The following ANKRD46 variants were observed in gnomAD, a reference collection of about 807,000 sequenced individuals.
ANKRD46 encodes ankyrin repeat domain-containing protein 46.
ANKRD46 carries 13 observed loss-of-function variants against 19.8 expected under a neutral mutation model. The observed-to-expected ratio is 0.66, with a 90% confidence interval of 0.43 to 1.04. The LOEUF (loss-of-function observed/expected upper bound fraction) is 1.04, where lower values mean the gene tolerates loss of function less well. Among genes scored for constraint, ANKRD46 ranks in the 50% least tolerant of loss-of-function variants. The pLI is 0.00. For synonymous variants in ANKRD46, 91 were observed against 106.9 expected (o/e 0.85, Z 0.92); for missense variants, 185 against 274.8 (o/e 0.67, Z 2.31).
At position 100,510,978 on chromosome 8, in the gene ANKRD46, A is replaced by G. The variant is rs1275536079; in HGVS notation, c.637-339T>C. On this transcript the variant is annotated intron_variant, in intron 5 of 5. Coordinates refer to the ANKRD46 transcript ENST00000520552. This position sits in a 1 kb window ranked among gnomAD's most constrained non-coding sequence, Gnocchi z 4.9. ...GCCTGCAGGCCTGACCAATTACACA[A>G]GAATAGAGGTTGACCTGTCTTTCAG... Among the ~76,000 whole-genome samples the G allele has an allele frequency of 6.6e-6, 1 of 152,236 alleles. No homozygotes were observed. Among genetic ancestry groups the G allele is most frequent in the Non-Finnish European group, 1.5e-5 (1 of 68,032 alleles).
At chr8:100,547,444 G>C (rs367807410) in intron 1 of ANKRD46, among the ~76,000 whole-genome samples, 3 of 152,172 alleles carry the variant, frequency 2.0e-5, no homozygotes, top group South Asian at 2.1e-4. Flanking sequence ...TAAGTTTCCC[G>C]AGGCCTCCCC....
downstream of ANKRD46, among the ~76,000 whole-genome samples, chr8:100,516,365 C>T (rs1811630217): frequency 6.6e-6 from 1 of 152,136 alleles, no homozygotes. Context: ...ACCAAGACTG[C>T]ATTTTGAATA....
In ANKRD46 at chr8:100,550,232, C is replaced by T. The variant is rs1338932242; in HGVS notation, c.-131+9479G>A. On this transcript the variant is annotated intron_variant, in intron 1 of 4. Coordinates refer to ENST00000335659, the MANE Select transcript of ANKRD46 (RefSeq NM_001270377.2). The surrounding 1 kb of genome is among the most constrained non-coding windows in gnomAD (Gnocchi z 4.4). ...GAGTATGTTTAGTTTTTTTAAGAAA[C>T]CACCAAATTGTCTCCCAAAGTAGCT... 1.3e-5 allele frequency among the ~76,000 whole-genome samples: 2 copies of T among 152,130 alleles called. No homozygotes were observed. Among genetic ancestry groups the T allele is most frequent in the Admixed American group, 1.3e-4 (2 of 15,286 alleles).
At chr8:100,535,928 G>A (rs560194573) in intron 1 of ANKRD46, among the ~76,000 whole-genome samples, 7 of 152,144 alleles carry the variant, frequency 4.6e-5, no homozygotes, top group South Asian at 2.1e-4. Context: ...CTAGTGAGTC[G>A]TATGAAGACC....
At chr8:100,552,636 G>A (rs1302709842) in intron 1 of ANKRD46, among the ~76,000 whole-genome samples, 2 of 152,138 alleles carry the variant, frequency 1.3e-5, no homozygotes, top group East Asian at 1.9e-4. Context: ...TTAAAGGTGA[G>A]CAAGTGACCA....
At position 100,534,535 on chromosome 8, in the gene ANKRD46, C is replaced by T. The variant is rs1812025440; in HGVS notation, c.-130-1224G>A. Among the ~76,000 whole-genome samples the T allele has an allele frequency of 6.6e-6, 1 of 152,178 alleles. No homozygotes were observed. Among genetic ancestry groups the T allele is most frequent in the Non-Finnish European group, 1.5e-5 (1 of 68,040 alleles). ...TATTTTTCCTCTCTTGTCCTGACCT[C>T]TAGAGCTGAGTCTTTAACGACTAGA... is the stretch of plus-strand genomic sequence containing the variant. On this transcript the variant is annotated intron_variant, in intron 1 of 4. Transcript: ENST00000335659. The surrounding 1 kb of genome is among the most constrained non-coding windows in gnomAD (Gnocchi z 4.2).
chr8:100,530,466 C>A (rs1811937183), intron 2 of ANKRD46, among the ~76,000 whole-genome samples: 1 of 152,084 alleles, frequency 6.6e-6, no homozygotes, highest in South Asian at 2.1e-4. Context: ...TCACTGCAAC[C>A]TCCATCTCCC....
At position 100,521,188 on chromosome 8, in the gene ANKRD46, G is replaced by A. The variant is rs1391929549; in HGVS notation, c.*1367C>T. 3.7e-5 allele frequency: 36 copies of A among 984,690 alleles called. No individual in the cohort carries two copies. The highest frequency in any genetic ancestry group is 4.3e-5 in the Non-Finnish European group (36 of 829,824). The allele number at this position is 984,690 out of a possible 1,614,324, so 61.0% of individuals were successfully genotyped here. On this transcript the variant is annotated 3_prime_UTR_variant, in exon 5 of 5. Coordinates refer to ENST00000335659, the MANE Select transcript of ANKRD46 (RefSeq NM_001270377.2). The stretch of plus-strand genomic sequence containing the variant: ...CAATACTAGATACATAGATACAAGA[G>A]AAAATACCAAGAAGCAAAAAGAATC...
chr8:100,516,323 A>G (rs562839495), downstream of ANKRD46, among the ~76,000 whole-genome samples: 1 of 152,360 alleles, frequency 6.6e-6, no homozygotes, highest in African/African-American at 2.4e-5. Context: ...AGACACAAAT[A>G]AGGTAAACTG....
chr8:100,553,150 G>A (rs548923657), intron 1 of ANKRD46, among the ~76,000 whole-genome samples: 3 of 152,106 alleles, frequency 2.0e-5, no homozygotes, highest in Non-Finnish European at 4.4e-5. Context: ...GGAGATAACC[G>A]AAAAACAAGT....
Position 100,527,719 on chromosome 8 carries a change from G to T in ANKRD46, c.470+126C>A. On this transcript the variant is annotated intron_variant, in intron 4 of 4. Transcript: ENST00000335659. The surrounding 1 kb of genome is among the most constrained non-coding windows in gnomAD (Gnocchi z 4.0). ...TCCCCTTAAAAAATCGTATTATCTTGCTGGGTGTGGCTACATGTGCCTATA... is the reference window on the plus strand; with the variant it reads ...TCCCCTTAAAAAATCGTATTATCTTTCTGGGTGTGGCTACATGTGCCTATA... The T allele has an allele frequency of 1.1e-6, 1 of 923,958 alleles. No individual in the cohort carries two copies. Among genetic ancestry groups the T allele is most frequent in the Non-Finnish European group, 1.6e-6 (1 of 642,746 alleles). 57.2% of individuals were successfully genotyped at this position (923,958 alleles called of 1,614,324 possible).
chr8:100,534,443 C>A lies in ANKRD46; in HGVS notation c.-130-1132G>T, dbSNP rs1487852071. The stretch of plus-strand genomic sequence containing the variant: ...ATACCACAGTATCAATTTAGACGAA[C>A]TTCATATCACGGAGCCACTTACCTT... On this transcript the variant is annotated intron_variant, in intron 1 of 4. Transcript: ENST00000335659. This position sits in a 1 kb window ranked among gnomAD's most constrained non-coding sequence, Gnocchi z 4.2. Among the ~76,000 whole-genome samples the A allele has an allele frequency of 6.6e-6, 1 of 152,190 alleles. No homozygotes were observed. Among genetic ancestry groups the A allele is most frequent in the African/African-American group, 2.4e-5 (1 of 41,442 alleles).
In ANKRD46 at chr8:100,533,246, C is replaced by A. The variant is rs1173637204; in HGVS notation, c.-65G>T. 6.6e-6 allele frequency: 1 copy of A among 152,226 alleles called. No individual in the cohort carries two copies. Among genetic ancestry groups the A allele is most frequent in the Non-Finnish European group, 1.5e-5 (1 of 68,048 alleles). 9.4% of individuals were successfully genotyped at this position (152,226 alleles called of 1,614,324 possible). On this transcript the variant is annotated 5_prime_UTR_variant, in exon 2 of 5. Transcript: ENST00000335659. ...ATTAGATCTTTTCGTTCAGTGGTCA[C>A]TCAGCAGTTTCTCTGAATTCTCAAG...
At chr8:100,514,538 C>T (rs1000075664) in intron 5 of ANKRD46, among the ~76,000 whole-genome samples, 11 of 149,138 alleles carry the variant, frequency 7.4e-5, no homozygotes, top group African/African-American at 2.7e-4. Context: ...GGAGAAGACT[C>T]TATTGAACAT....
chr8:100,515,200 A>G (rs890543925), intron 5 of ANKRD46, among the ~76,000 whole-genome samples: 1 of 152,202 alleles, frequency 6.6e-6, no homozygotes, highest in African/African-American at 2.4e-5. Context: ...TTGAATCAAA[A>G]GTATGCAGCG....
chr8:100,552,802 C>G (rs78163185), intron 1 of ANKRD46, among the ~76,000 whole-genome samples: 4,393 of 152,216 alleles, frequency 0.029, 218 homozygotes, highest in African/African-American at 0.098. Context: ...AGGGTCAAGC[C>G]TTGGGCTTTT....
chr8:100,548,661 C>T (rs926877764), intron 1 of ANKRD46, among the ~76,000 whole-genome samples: 7 of 152,012 alleles, frequency 4.6e-5, no homozygotes, highest in Non-Finnish European at 1.0e-4. Context: ...ATGGTCCAAA[C>T]GTAAAGTATG....
At chr8:100,516,311 A>G (rs1489085090), downstream of ANKRD46, among the ~76,000 whole-genome samples, 2 of 152,232 alleles carry the variant, frequency 1.3e-5, no homozygotes, top group Non-Finnish European at 2.9e-5. Context: ...TGGAACACAG[A>G]AAGACACAAA....
chr8:100,512,859 T>C (rs2130625058), intron 5 of ANKRD46, among the ~76,000 whole-genome samples: 1 of 152,340 alleles, frequency 6.6e-6, no homozygotes, highest in South Asian at 2.1e-4. Context: ...GGTTAAAACG[T>C]ATACACTTCC....
Sources: gnomAD v4.1 joint callset for allele counts (sites outside exome capture counted in the v4.1 genomes callset) on GRCh38, gnomAD v4.1.1 for gene constraint, Gnocchi (gnomAD v3.1) non-coding constraint, MANE v1.5 for transcripts, NCBI Gene and HGNC (gene_info 2026-07-23, HGNC 2026-07-21) for gene names.